KCNIP4: variants seen among roughly 807,000 people sequenced by gnomAD.
The protein encoded by KCNIP4 is potassium voltage-gated channel interacting protein 4, also known as Kv channel-interacting protein 4.
KCNIP4 carries 12 observed loss-of-function variants against 34.0 expected under a neutral mutation model. The ratio of observed to expected loss-of-function variants is 0.35; its 90% CI spans 0.23 to 0.57. The LOEUF (loss-of-function observed/expected upper bound fraction) is 0.57, where lower values mean the gene tolerates loss of function less well. Ranked by LOEUF, KCNIP4 falls within the 20% of genes least tolerant of loss-of-function variation. The pLI is 0.83. For synonymous variants in KCNIP4, 124 were observed against 102.2 expected (o/e 1.21, Z -1.29); for missense variants, 238 against 311.7 (o/e 0.76, Z 1.78).
intron 1 of KCNIP4, among the ~76,000 whole-genome samples, chr4:21,104,651 A>G (rs144948317): frequency 0.018 from 2,808 of 151,958 alleles, 83 homozygotes; most frequent in African/African-American, 0.062. Flanking sequence ...TTGGTGTTTT[A>G]AACATGAAGT....
intron 1 of KCNIP4, among the ~76,000 whole-genome samples, chr4:21,141,633 C>A (rs996871124): frequency 3.9e-5 from 6 of 152,050 alleles, no homozygotes; most frequent in African/African-American, 1.4e-4. Flanking sequence ...ACACGCTTAC[C>A]ATAGAAGAAC....
chr4:21,108,265 C>T (rs1050035739), intron 1 of KCNIP4, among the ~76,000 whole-genome samples: 3 of 141,884 alleles, frequency 2.1e-5, no homozygotes, highest in Admixed American at 7.0e-5. Context: ...GGTCTTTTCA[C>T]GTAGTCCCAT....
intron 1 of KCNIP4, among the ~76,000 whole-genome samples, chr4:21,644,569 G>A (rs551876788): frequency 4.3e-4 from 65 of 152,114 alleles, no homozygotes; most frequent in Non-Finnish European, 7.6e-4. Flanking sequence ...GTCCATATTC[G>A]AAGCTACCCT....
intron 1 of KCNIP4, among the ~76,000 whole-genome samples, chr4:21,374,340 A>G (rs1720770773): frequency 6.8e-6 from 1 of 147,308 alleles, no homozygotes; most frequent in Non-Finnish European, 1.5e-5. Context: ...CTTACATGGC[A>G]GCAGGCAAGA....
intron 1 of KCNIP4, among the ~76,000 whole-genome samples, chr4:20,991,779 C>T (rs549044105): frequency 5.3e-5 from 8 of 152,314 alleles, no homozygotes; most frequent in African/African-American, 9.6e-5. Context: ...AATGGCATCT[C>T]CATGGATGTT....
At chr4:21,560,837 G>A (rs1277343123) in intron 1 of KCNIP4, among the ~76,000 whole-genome samples, 3 of 151,956 alleles carry the variant, frequency 2.0e-5, no homozygotes, top group East Asian at 3.9e-4. Flanking sequence ...CTCTAGGAGG[G>A]TTCAGCCAAC....
At chr4:21,016,665 T>G (rs1344029239) in intron 1 of KCNIP4, among the ~76,000 whole-genome samples, 1 of 151,940 alleles carries the variant, frequency 6.6e-6, no homozygotes. Context: ...TAGGCTGGAG[T>G]GCAGTGGTTC....
intron 1 of KCNIP4, among the ~76,000 whole-genome samples, chr4:21,238,510 C>A (rs1331089826): frequency 6.6e-6 from 1 of 152,156 alleles, no homozygotes; most frequent in Non-Finnish European, 1.5e-5. Flanking sequence ...TCTCCTTAAG[C>A]TGATAAGCAA....
In KCNIP4 at chr4:21,213,531, A is replaced by G. The variant is rs190476663; in HGVS notation, c.62-330822T>C. Among the ~76,000 whole-genome samples, 463 of 152,074 alleles carry G rather than the reference A, an allele frequency of 3.0e-3. 5 individuals are homozygous for G. The highest frequency in any genetic ancestry group is 0.01 in the Middle Eastern group (3 of 294). On this transcript the variant is annotated intron_variant, in intron 1 of 8. Coordinates refer to ENST00000382152, the MANE Select transcript of KCNIP4 (RefSeq NM_025221.6). Reference sequence around the variant, plus strand: ...TGGCCAGGCTGGTCTCGAACTCTTGACCTCAGGTGATCCACCTGCCTTGCC... The same window carrying G: ...TGGCCAGGCTGGTCTCGAACTCTTGGCCTCAGGTGATCCACCTGCCTTGCC...
At chr4:21,885,431 A>G (rs1448359107) in intron 1 of KCNIP4, among the ~76,000 whole-genome samples, 4 of 152,108 alleles carry the variant, frequency 2.6e-5, no homozygotes, top group South Asian at 2.1e-4. Flanking sequence ...ATGCAGCCAC[A>G]TCTTCATTTC....
At chr4:21,248,097 C>T (rs1223378455) in intron 1 of KCNIP4, among the ~76,000 whole-genome samples, 1 of 148,118 alleles carries the variant, frequency 6.8e-6, no homozygotes, top group African/African-American at 2.6e-5. Flanking sequence ...AGCATGAGTA[C>T]ACATGCAATA....
At chr4:21,574,310 G>A (rs930627547) in intron 1 of KCNIP4, among the ~76,000 whole-genome samples, 2 of 151,986 alleles carry the variant, frequency 1.3e-5, no homozygotes, top group Admixed American at 1.3e-4. Context: ...AAATCTCCAG[G>A]TGAAACTGGC....
At chr4:21,380,466 A>ACG (rs1721395879) in intron 1 of KCNIP4, among the ~76,000 whole-genome samples, 1 of 144,390 alleles carries the variant, frequency 6.9e-6, no homozygotes, top group Non-Finnish European at 1.5e-5. Flanking sequence ...GGGGAGAGAG[A>ACG]GAGAGAGAGG....
At chr4:21,003,577 T>A (rs1246661417) in intron 1 of KCNIP4, among the ~76,000 whole-genome samples, 3 of 152,218 alleles carry the variant, frequency 2.0e-5, no homozygotes, top group Non-Finnish European at 4.4e-5. Context: ...TTGGAAAGCT[T>A]CTGCCTTAAA....
Position 21,888,995 on chromosome 4 carries a change from T to C in KCNIP4, c.61+59576A>G, listed in dbSNP as rs1430026468. 3.9e-5 allele frequency among the ~76,000 whole-genome samples: 6 copies of C among 152,172 alleles called. No individual in the cohort carries two copies. In the East Asian group the frequency reaches 1.2e-3, roughly 29 times the overall value. ...CTTTTTGAGCATCAACATGACACAA[T>C]GACAAGTTAGCCTGAACACACTACT... On this transcript the variant is annotated intron_variant, in intron 1 of 8. Coordinates refer to ENST00000382152, the MANE Select transcript of KCNIP4 (RefSeq NM_025221.6).
At chr4:21,608,065 T>C (rs1743854607) in intron 1 of KCNIP4, among the ~76,000 whole-genome samples, 1 of 151,928 alleles carries the variant, frequency 6.6e-6, no homozygotes, top group Non-Finnish European at 1.5e-5. Flanking sequence ...ATGGTGCTTT[T>C]CTCTTAAAGG....
chr4:21,329,179 G>T (rs1715381929), intron 1 of KCNIP4, among the ~76,000 whole-genome samples: 1 of 152,164 alleles, frequency 6.6e-6, no homozygotes, highest in African/African-American at 2.4e-5. Context: ...ATGACTTTAT[G>T]CCTTCTACGA....
At chr4:20,915,606 T>G (rs1728735185) in intron 1 of KCNIP4, among the ~76,000 whole-genome samples, 1 of 152,134 alleles carries the variant, frequency 6.6e-6, no homozygotes, top group African/African-American at 2.4e-5. Context: ...ACATACTGAA[T>G]TTTCTTCTTT....
intron 1 of KCNIP4, among the ~76,000 whole-genome samples, chr4:21,065,347 C>A (rs1458648126): frequency 6.6e-6 from 1 of 152,072 alleles, no homozygotes; most frequent in African/African-American, 2.4e-5. Context: ...ATTTGAGAAC[C>A]TAGATGTTGG....
Sources: gnomAD v4.1 joint callset for allele counts (sites outside exome capture counted in the v4.1 genomes callset) on GRCh38, gnomAD v4.1.1 for gene constraint, MANE v1.5 for transcripts, NCBI Gene and HGNC (gene_info 2026-07-23, HGNC 2026-07-21) for gene names.